BCL2L11: variants seen among roughly 807,000 people sequenced by gnomAD.
The protein encoded by BCL2L11 is bcl-2-like protein 11.
A neutral mutation model predicts 20.6 loss-of-function variants in BCL2L11; 15 were observed. The observed-to-expected ratio is 0.73, with a 90% CI of 0.49 to 1.12. The LOEUF is 1.12. Ranked by LOEUF, BCL2L11 falls within the 50% of genes most tolerant of loss-of-function variation. The pLI is 0.00. For synonymous variants in BCL2L11, 108 were observed against 92.8 expected (o/e 1.16, Z -0.94); for missense variants, 292 against 260.9 (o/e 1.12, Z -0.82).
intron 2 of BCL2L11, chr2:111,146,310 A>G (rs1271478011): frequency 1.2e-6 from 1 of 846,062 alleles, no homozygotes; most frequent in East Asian, 1.2e-4. Flanking sequence ...TACGGCGGTC[A>G]GACACATTGC....
At chr2:111,135,962 T>C (rs2150359496) in intron 2 of BCL2L11, among the ~76,000 whole-genome samples, 1 of 152,216 alleles carries the variant, frequency 6.6e-6, no homozygotes, top group African/African-American at 2.4e-5. Flanking sequence ...GTCTGGGAGA[T>C]CGGCCTGCTG....
Position 111,123,947 on chromosome 2 carries a change from G to GC in BCL2L11, c.204dup (p.Ser69GlnfsTer32), listed in dbSNP as rs747571707. 6.2e-7 allele frequency: 1 copy of GC among 1,614,154 alleles called. No homozygotes were observed. The highest frequency in any genetic ancestry group is 8.5e-7 in the Non-Finnish European group (1 of 1,179,994). ...CCCTCAGGGCCCGCTGGCCCCACCTGCCAGCCCTGGCCCTTTTGCTACCAG... is the reference window on the plus strand; with the variant it reads ...CCCTCAGGGCCCGCTGGCCCCACCTGCCCAGCCCTGGCCCTTTTGCTACCAG... On this transcript the variant is annotated frameshift_variant, in exon 2 of 4. Transcript: ENST00000393256. LOFTEE classifies it high-confidence loss of function.
chr2:111,151,779 T>G, intron 3 of BCL2L11: 1 of 1,439,166 alleles, frequency 6.9e-7, no homozygotes, highest in Non-Finnish European at 9.6e-7. Flanking sequence ...ATGGGAAGTG[T>G]GACATTGATG....
chr2:111,147,389 CA>C (rs1230006940), intron 2 of BCL2L11, among the ~76,000 whole-genome samples: 20 of 151,134 alleles, frequency 1.3e-4, no homozygotes, highest in South Asian at 8.4e-4. Flanking sequence ...CACACACACA[CA>C]CCCGCCATTT....
At chr2:111,139,528 T>G (rs1306430704) in intron 2 of BCL2L11, among the ~76,000 whole-genome samples, 1 of 152,208 alleles carries the variant, frequency 6.6e-6, no homozygotes, top group African/African-American at 2.4e-5. Context: ...GTTTTCCTTC[T>G]TTTCCCTGAG....
chr2:111,152,032 G>A, intron 3 of BCL2L11: 1 of 741,894 alleles, frequency 1.3e-6, no homozygotes. Flanking sequence ...TATTGACTAG[G>A]AAGAACTGGT....
In BCL2L11 at chr2:111,165,858, G is replaced by A. The variant is rs994362217; in HGVS notation, c.*1627G>A. On this transcript the variant is annotated 3_prime_UTR_variant, in exon 4 of 4. Coordinates refer to ENST00000393256, the MANE Select transcript of BCL2L11 (RefSeq NM_138621.5). ...CCGATAGAAGAGCCAGCATGTTCAC[G>A]TTATTTAAATTAGGTGGAAAAATCT... 4.6e-5 allele frequency: 7 copies of A among 152,230 alleles called. No homozygotes were observed. In the South Asian group the frequency reaches 8.3e-4, roughly 18 times the overall value. 9.4% of individuals were successfully genotyped at this position (152,230 alleles called of 1,614,324 possible).
chr2:111,153,751 C>T, intron 3 of BCL2L11: 1 of 1,552,090 alleles, frequency 6.4e-7, no homozygotes, highest in Non-Finnish European at 8.7e-7. Flanking sequence ...CCTTGCAAAG[C>T]CTGACAGGAT....
chr2:111,146,237 C>G (rs1189826846), intron 2 of BCL2L11: 3 of 982,500 alleles, frequency 3.1e-6, no homozygotes, highest in African/African-American at 3.5e-5. Context: ...AAAATTTGAT[C>G]TCCCTACAGA....
chr2:111,123,383 G>A, intron 1 of BCL2L11: 4 of 985,512 alleles, frequency 4.1e-6, no homozygotes, highest in Non-Finnish European at 4.8e-6. Flanking sequence ...CGGGAAGTCA[G>A]AGCCGCTGGG....
At chr2:111,139,971 A>G (rs2075546456) in intron 2 of BCL2L11, among the ~76,000 whole-genome samples, 3 of 152,202 alleles carry the variant, frequency 2.0e-5, no homozygotes, top group Admixed American at 1.3e-4. Context: ...AGGGCTTCCC[A>G]TGGAGCATGT....
intron 3 of BCL2L11, among the ~76,000 whole-genome samples, 157 bp from the exon 4 acceptor site, chr2:111,163,976 T>C (rs1255265363): frequency 6.7e-6 from 1 of 149,782 alleles, no homozygotes; most frequent in African/African-American, 2.4e-5. Flanking sequence ...TTCTTCACAA[T>C]CTCTGGGAGG....
chr2:111,136,614 A>G (rs1559041179), intron 2 of BCL2L11, among the ~76,000 whole-genome samples: 1 of 152,218 alleles, frequency 6.6e-6, no homozygotes, highest in East Asian at 1.9e-4. Flanking sequence ...AGTACAAGAC[A>G]AAAGCAGGTT....
intron 2 of BCL2L11, among the ~76,000 whole-genome samples, chr2:111,141,997 G>A (rs147105299): frequency 1.6e-4 from 25 of 152,190 alleles, no homozygotes; most frequent in South Asian, 1.2e-3. Flanking sequence ...CACTGCACCC[G>A]ACCAGAACAA....
chr2:111,124,159 G>C lies in BCL2L11; in HGVS notation c.394+20G>C, dbSNP rs2071928639. On this transcript the variant is annotated intron_variant, in intron 2 of 3. Transcript: ENST00000393256. ...CAATGGGTAAGCAATGCCTGGGTAA[G>C]AGGCAGTTGACGTGTGGATGGTTGA... is the stretch of plus-strand genomic sequence containing the variant. 1.9e-6 allele frequency: 3 copies of C among 1,583,030 alleles called. No homozygotes were observed. Among genetic ancestry groups the C allele is most frequent in the South Asian group, 2.3e-5 (2 of 86,746 alleles).
At chr2:111,122,805 C>G in intron 1 of BCL2L11, 3 of 985,316 alleles carry the variant, frequency 3.0e-6, no homozygotes, top group African/African-American at 1.7e-5. Context: ...CGGGCTTTGT[C>G]TCCTGCGCTG....
chr2:111,151,874 T>C, intron 3 of BCL2L11: 1 of 1,549,386 alleles, frequency 6.5e-7, no homozygotes, highest in Non-Finnish European at 8.7e-7. Flanking sequence ...CACAGAACAT[T>C]CCAGCCTAGA....
Position 111,123,849 on chromosome 2 carries a change from C to T in BCL2L11, c.104C>T (p.Ser35Phe). The stretch of plus-strand genomic sequence containing the variant: ...CAGCTCAGACCTGGGGCCCCTACCT[C>T]CCTACAGACAGAGCCACAAGGTAAT... ...PPQLRPGAPT[S>F]LQTEPQGNPE... Residue 35 changes from serine to phenylalanine, a missense_variant, in exon 2 of 4, where the codon TCC (serine) becomes TTC (phenylalanine). Ser to Phe is a radical substitution (Grantham distance 155, BLOSUM62 -2). Transcript: ENST00000393256. 6.3e-7 allele frequency: 1 copy of T among 1,585,642 alleles called. No individual in the cohort carries two copies. Among genetic ancestry groups the T allele is most frequent in the Non-Finnish European group, 8.6e-7 (1 of 1,166,378 alleles).
At chr2:111,127,827 C>CA (rs1456496404) in intron 2 of BCL2L11, among the ~76,000 whole-genome samples, 2 of 152,086 alleles carry the variant, frequency 1.3e-5, no homozygotes, top group Admixed American at 6.5e-5. Context: ...TATTGATACA[C>CA]ACTGGATTTT....
Sources: gnomAD v4.1 joint callset for allele counts (sites outside exome capture counted in the v4.1 genomes callset) on GRCh38, gnomAD v4.1.1 for gene constraint, MANE v1.5 for transcripts, NCBI Gene and HGNC (gene_info 2026-07-23, HGNC 2026-07-21) for gene names.